Variants in MYT1L observed in about 807,000 individuals in gnomAD.
MYT1L encodes myelin transcription factor 1 like.
MYT1L carries 12 observed loss-of-function variants against 126.7 expected under a neutral mutation model. The ratio of observed to expected loss-of-function variants is 0.09; its 90% CI spans 0.06 to 0.15. MYT1L has a LOEUF of 0.15. Ranked by LOEUF, MYT1L falls within the 10% of genes least tolerant of loss-of-function variation. The pLI, the probability that MYT1L is intolerant of heterozygous loss-of-function variation, is 1.00. For missense variants in MYT1L, 979 were observed against 1,585.2 expected, an observed-to-expected ratio of 0.62 and a Z score of 6.49; for synonymous variants, 541 against 604.2, an observed-to-expected ratio of 0.90 and a Z score of 1.53.
At chr2:2,104,852 A>T (rs2078551621) in intron 3 of MYT1L, among the ~76,000 whole-genome samples, 1 of 151,494 alleles carries the variant, frequency 6.6e-6, no homozygotes, top group African/African-American at 2.4e-5. Context: ...TGCTAGAAAG[A>T]CTCCTGTTCT....
intron 18 of MYT1L, among the ~76,000 whole-genome samples, chr2:1,860,125 C>T (rs959096060): frequency 5.3e-5 from 8 of 152,216 alleles, no homozygotes; most frequent in African/African-American, 1.9e-4. Flanking sequence ...CCAAGTACAT[C>T]CAGCAATAGG....
intron 1 of MYT1L, among the ~76,000 whole-genome samples, chr2:2,317,559 A>G (rs1320097769): frequency 6.6e-6 from 1 of 152,168 alleles, no homozygotes; most frequent in Non-Finnish European, 1.5e-5. Context: ...GTCATTGTCT[A>G]GGTTGACTAT....
chr2:1,845,026 T>C (rs979562118), intron 19 of MYT1L, among the ~76,000 whole-genome samples: 1 of 151,284 alleles, frequency 6.6e-6, no homozygotes, highest in Admixed American at 6.6e-5. Flanking sequence ...CTGCCCAGGC[T>C]GGAGTGCAGG....
At chr2:1,881,355 CGTGTGTGTGTGTGTGTGT>C (rs59171974) in intron 18 of MYT1L, among the ~76,000 whole-genome samples, 41 of 139,126 alleles carry the variant, frequency 2.9e-4, no homozygotes, top group African/African-American at 6.3e-4. Context: ...TTTGCAGGTT[CGTGTGTGTGTGTGTGTGT>C]GTGTGTGTGT....
At chr2:2,002,183 A>G (rs983343321) in intron 4 of MYT1L, among the ~76,000 whole-genome samples, 1 of 152,142 alleles carries the variant, frequency 6.6e-6, no homozygotes, top group African/African-American at 2.4e-5. Flanking sequence ...TTGTGGCCAC[A>G]GTTGGAGAAA....
chr2:2,263,629 T>C (rs2095048402), intron 2 of MYT1L, among the ~76,000 whole-genome samples: 1 of 152,118 alleles, frequency 6.6e-6, no homozygotes, highest in Non-Finnish European at 1.5e-5. Context: ...CTGATGCAGC[T>C]CACGCCCCAG....
intron 4 of MYT1L, among the ~76,000 whole-genome samples, chr2:2,048,859 G>A (rs2068492222): frequency 6.6e-6 from 1 of 152,162 alleles, no homozygotes; most frequent in Admixed American, 6.5e-5. Flanking sequence ...GGAGGACAGG[G>A]ATCAGTAGTT....
intron 2 of MYT1L, among the ~76,000 whole-genome samples, chr2:2,218,839 A>C (rs1311684921): frequency 6.6e-6 from 1 of 152,192 alleles, no homozygotes; most frequent in Non-Finnish European, 1.5e-5. Context: ...TGAAAGAAGC[A>C]GGAGTCTAAG....
intron 1 of MYT1L, among the ~76,000 whole-genome samples, chr2:2,307,876 CTCTA>C (rs1387597751): frequency 6.7e-6 from 1 of 148,556 alleles, no homozygotes; most frequent in Non-Finnish European, 1.5e-5. Context: ...CTTCAGTATA[CTCTA>C]TCTATACTCC....
chr2:2,182,914 C>T (rs1237786626), intron 2 of MYT1L, among the ~76,000 whole-genome samples: 4 of 152,128 alleles, frequency 2.6e-5, no homozygotes, highest in Non-Finnish European at 4.4e-5. Context: ...GGGAGGTCAT[C>T]GCTTCTCCTC....
At chr2:2,004,554 C>G (rs2062934839) in intron 4 of MYT1L, among the ~76,000 whole-genome samples, 1 of 150,696 alleles carries the variant, frequency 6.6e-6, no homozygotes, top group South Asian at 2.1e-4. Flanking sequence ...TGCGTTCTTT[C>G]CTGCGTGCCT....
At chr2:2,260,301 A>G (rs925852976) in intron 2 of MYT1L, among the ~76,000 whole-genome samples, 6 of 152,232 alleles carry the variant, frequency 3.9e-5, no homozygotes, top group Non-Finnish European at 7.3e-5. Flanking sequence ...CCTGAGGATC[A>G]AATGAGAAAA....
chr2:2,020,253 G>T (rs1223826115), intron 4 of MYT1L, among the ~76,000 whole-genome samples: 2 of 152,068 alleles, frequency 1.3e-5, no homozygotes, highest in Admixed American at 1.3e-4. Context: ...TAAATTCAGG[G>T]TTTCTTTTCC....
chr2:2,007,709 G>A (rs1161106206), intron 4 of MYT1L, among the ~76,000 whole-genome samples: 1 of 152,116 alleles, frequency 6.6e-6, no homozygotes, highest in Non-Finnish European at 1.5e-5. Flanking sequence ...CCATGTGTGA[G>A]GTGGTAACTT....
intron 1 of MYT1L, among the ~76,000 whole-genome samples, chr2:2,306,376 T>C (rs1269653037): frequency 6.6e-6 from 1 of 152,140 alleles, no homozygotes; most frequent in Non-Finnish European, 1.5e-5. Flanking sequence ...AGAACATACA[T>C]AAGTAGGTAA....
chr2:2,010,673 A>G (rs575843798), intron 4 of MYT1L, among the ~76,000 whole-genome samples: 2 of 152,146 alleles, frequency 1.3e-5, no homozygotes, highest in Admixed American at 6.5e-5. Flanking sequence ...TCTTCTATGC[A>G]ATGGCTTTGT....
intron 18 of MYT1L, among the ~76,000 whole-genome samples, chr2:1,859,404 C>A (rs1034840813): frequency 2.0e-5 from 3 of 152,040 alleles, no homozygotes; most frequent in Non-Finnish European, 4.4e-5. Flanking sequence ...TTAAAAATTT[C>A]TTTTTCATGA....
At chr2:1,807,540 G>C (rs1232068224) in intron 22 of MYT1L, among the ~76,000 whole-genome samples, 2 of 152,176 alleles carry the variant, frequency 1.3e-5, no homozygotes, top group African/African-American at 4.8e-5. Context: ...CAGGGCATCC[G>C]TGCTTTGTGG....
At chr2:2,129,075 T>C (rs1159828127) in intron 3 of MYT1L, among the ~76,000 whole-genome samples, 1 of 152,190 alleles carries the variant, frequency 6.6e-6, no homozygotes, top group African/African-American at 2.4e-5. Context: ...AGTCGCCACA[T>C]TGACACAGAA....
Sources: gnomAD v4.1 joint callset for allele counts (sites outside exome capture counted in the v4.1 genomes callset) on GRCh38, gnomAD v4.1.1 for gene constraint, MANE v1.5 for transcripts, NCBI Gene and HGNC (gene_info 2026-07-23, HGNC 2026-07-21) for gene names.